Variants in RGL1 observed in about 807,000 individuals in gnomAD.
The protein encoded by RGL1 is ral guanine nucleotide dissociation stimulator-like 1.
Under a neutral mutation model 95.2 loss-of-function variants are expected in RGL1, and 24 were observed. The ratio of observed to expected loss-of-function variants is 0.25; its 90% CI spans 0.18 to 0.35. The LOEUF is 0.35. Among genes scored for constraint, RGL1 ranks in the 10% least tolerant of loss-of-function variants. The pLI is 1.00. For missense variants in RGL1, 715 were observed against 936.3 expected (o/e 0.76, Z 3.08); for synonymous variants, 329 against 344.9 (o/e 0.95, Z 0.51).
intron 1 of RGL1, among the ~76,000 whole-genome samples, chr1:183,675,683 G>C (rs1376286910): frequency 6.6e-6 from 1 of 152,058 alleles, no homozygotes; most frequent in Non-Finnish European, 1.5e-5. Flanking sequence ...GAACAGCTCT[G>C]GCTGTTATTT....
chr1:183,717,659 C>G (rs1655708954), intron 1 of RGL1, among the ~76,000 whole-genome samples: 1 of 152,088 alleles, frequency 6.6e-6, no homozygotes, highest in African/African-American at 2.4e-5. Flanking sequence ...TTTCAAGAAG[C>G]TAAAGGAGTG....
intron 1 of RGL1, among the ~76,000 whole-genome samples, chr1:183,645,147 T>C (rs12042646): frequency 0.082 from 12,420 of 152,294 alleles, 991 homozygotes; most frequent in African/African-American, 0.21. Context: ...TTTGGCTTGC[T>C]ATGTAGCTTA....
chr1:183,907,142 C>G, intron 14 of RGL1, 41 bp downstream of exon 14: 1 of 1,250,156 alleles, frequency 8.0e-7, no homozygotes, highest in Non-Finnish European at 1.2e-6. Context: ...AAGAGGGTGC[C>G]ATCAGAGTCG....
intron 4 of RGL1, among the ~76,000 whole-genome samples, chr1:183,870,097 G>A (rs532374190): frequency 3.5e-4 from 54 of 152,150 alleles, no homozygotes; most frequent in Non-Finnish European, 5.0e-4. Flanking sequence ...AACACAAAGC[G>A]GTGTGGAGCA....
At chr1:183,779,209 TTCCTTCCTTCCTTCCTTCCC>T (rs1353162952) in intron 2 of RGL1, among the ~76,000 whole-genome samples, 2 of 137,078 alleles carry the variant, frequency 1.5e-5, no homozygotes, top group Admixed American at 7.9e-5. Context: ...CCTTCCTTCC[TTCCTTCCTTCCTTCCTTCCC>T]TCCCTCCCAC....
intron 1 of RGL1, among the ~76,000 whole-genome samples, chr1:183,641,480 A>G (rs558046929): frequency 3.2e-4 from 49 of 152,280 alleles, no homozygotes; most frequent in Non-Finnish European, 5.9e-4. Context: ...TATGTTGCCC[A>G]GGCTGGTCTT....
chr1:183,850,009 C>G (rs921181468), intron 3 of RGL1, among the ~76,000 whole-genome samples: 3 of 152,206 alleles, frequency 2.0e-5, no homozygotes, highest in African/African-American at 7.2e-5. Flanking sequence ...TTTCCCCACA[C>G]TCTTGCCAAC....
chr1:183,820,356 T>G (rs968938594), intron 2 of RGL1, among the ~76,000 whole-genome samples: 15 of 152,186 alleles, frequency 9.9e-5, no homozygotes, highest in African/African-American at 3.6e-4. Context: ...GTATTTGGAC[T>G]TGGTGTTTGA....
intron 10 of RGL1, among the ~76,000 whole-genome samples, chr1:183,898,129 T>C (rs1307095992): frequency 6.6e-6 from 1 of 152,236 alleles, no homozygotes; most frequent in Non-Finnish European, 1.5e-5. Context: ...TCCTGTTTTC[T>C]GGCAAAGTTG....
upstream of RGL1, among the ~76,000 whole-genome samples, chr1:183,804,082 T>C (rs781227243): frequency 1.3e-5 from 2 of 152,192 alleles, no homozygotes; most frequent in Non-Finnish European, 2.9e-5. Flanking sequence ...CTGTCATTTA[T>C]TCTGCTCTCC....
intron 2 of RGL1, among the ~76,000 whole-genome samples, chr1:183,795,233 T>C (rs1295543177): frequency 1.3e-5 from 2 of 152,232 alleles, no homozygotes; most frequent in Non-Finnish European, 2.9e-5. Context: ...ATCTGCTATG[T>C]GCTAGGCACA....
intron 2 of RGL1, among the ~76,000 whole-genome samples, chr1:183,808,377 T>C (rs944900028): frequency 6.6e-6 from 1 of 152,210 alleles, no homozygotes; most frequent in Admixed American, 6.5e-5. Context: ...GATGGAGGAA[T>C]CTGTCCCCCT....
intron 1 of RGL1, among the ~76,000 whole-genome samples, chr1:183,705,847 T>C (rs1654880656): frequency 6.6e-6 from 1 of 151,920 alleles, no homozygotes; most frequent in Non-Finnish European, 1.5e-5. Flanking sequence ...TTGGGCAGAG[T>C]AGGTGACTGA....
At chr1:183,822,751 C>A (rs1184162588) in intron 2 of RGL1, among the ~76,000 whole-genome samples, 1 of 152,080 alleles carries the variant, frequency 6.6e-6, no homozygotes, top group African/African-American at 2.4e-5. Context: ...CAAATGTTGG[C>A]CTTTGTAGGA....
At chr1:183,753,145 C>T (rs1474719403) in intron 2 of RGL1, among the ~76,000 whole-genome samples, 1 of 152,142 alleles carries the variant, frequency 6.6e-6, no homozygotes, top group East Asian at 1.9e-4. Context: ...GTCCCTTAAC[C>T]TCTCTTTTAG....
At chr1:183,660,685 A>T (rs1456123676) in intron 1 of RGL1, among the ~76,000 whole-genome samples, 1 of 151,728 alleles carries the variant, frequency 6.6e-6, no homozygotes, top group Non-Finnish European at 1.5e-5. Context: ...CAGGAATTGA[A>T]CTCAGCTCTG....
At chr1:183,919,422 C>T (rs1400409010) in intron 16 of RGL1, among the ~76,000 whole-genome samples, 1 of 152,184 alleles carries the variant, frequency 6.6e-6, no homozygotes, top group East Asian at 1.9e-4. Context: ...TTCTGCAATA[C>T]CTATGCAAAT....
chr1:183,661,273 G>GT (rs1018225613), intron 1 of RGL1, among the ~76,000 whole-genome samples: 1 of 152,252 alleles, frequency 6.6e-6, no homozygotes, highest in African/African-American at 2.4e-5. Flanking sequence ...CCAGGAGCTG[G>GT]TTTTTTGAAA....
At chr1:183,707,788 C>G (rs1490080895) in intron 1 of RGL1, among the ~76,000 whole-genome samples, 2 of 150,768 alleles carry the variant, frequency 1.3e-5, no homozygotes, top group Non-Finnish European at 2.9e-5. Context: ...AAAGAGGAGG[C>G]TTGGGGGTTA....
Sources: allele counts gnomAD v4.1 joint callset (sites outside exome capture counted in the v4.1 genomes callset), GRCh38; gene constraint gnomAD v4.1.1; transcripts MANE v1.5; gene names NCBI Gene and HGNC (gene_info 2026-07-23, HGNC 2026-07-21).